Variants in GRXCR2 observed in about 807,000 individuals in gnomAD.
GRXCR2 encodes glutaredoxin and cysteine rich domain containing 2, also known as glutaredoxin domain-containing cysteine-rich protein 2.
Under a neutral mutation model 24.8 loss-of-function variants are expected in GRXCR2, and 23 were observed. The observed-to-expected ratio is 0.93, with a 90% CI of 0.67 to 1.32. The LOEUF (loss-of-function observed/expected upper bound fraction) is 1.32, where lower values mean the gene tolerates loss of function less well. GRXCR2 is among the 40% of genes most tolerant of loss of function. The pLI is 0.00. For missense variants in GRXCR2, 315 were observed against 303.4 expected, an observed-to-expected ratio of 1.04 and a Z score of -0.28; for synonymous variants, 130 against 116.1, an observed-to-expected ratio of 1.12 and a Z score of -0.77.
chr5:145,878,248 C>T (rs543994961), intron 2 of GRXCR2, among the ~76,000 whole-genome samples: 5 of 152,152 alleles, frequency 3.3e-5, no homozygotes, highest in African/African-American at 4.8e-5. Flanking sequence ...CAAACTTCTC[C>T]GAGCTAAAGG....
intron 2 of GRXCR2, among the ~76,000 whole-genome samples, chr5:145,893,010 C>G (rs1373392507): frequency 1.4e-4 from 22 of 152,190 alleles, no homozygotes; most frequent in Non-Finnish European, 2.1e-4. Flanking sequence ...TTTCAACCCA[C>G]AATTTCATAT....
intron 2 of GRXCR2, among the ~76,000 whole-genome samples, chr5:145,898,954 A>C (rs1186668655): frequency 6.6e-6 from 1 of 152,170 alleles, no homozygotes; most frequent in Non-Finnish European, 1.5e-5. Context: ...CGAAATAGGA[A>C]GACAGAAAGT....
chr5:145,920,322 AT>A, intron 2 of GRXCR2, among the ~76,000 whole-genome samples: 1 of 152,324 alleles, frequency 6.6e-6, no homozygotes, highest in East Asian at 1.9e-4. Flanking sequence ...CCCTGCCCAG[AT>A]TGAACTAGAA....
chr5:145,870,583 A>C (rs422185), intron 1 of GRXCR2, among the ~76,000 whole-genome samples: 3,172 of 152,256 alleles, frequency 0.021, 112 homozygotes, highest in African/African-American at 0.073. Flanking sequence ...CCTTGCTTTG[A>C]ATTATTGCAC....
intron 2 of GRXCR2, among the ~76,000 whole-genome samples, chr5:145,864,623 T>G (rs1039876913): frequency 6.6e-6 from 1 of 152,122 alleles, no homozygotes; most frequent in Non-Finnish European, 1.5e-5. Context: ...TCTCAAGCTC[T>G]CTCTCTCTCT....
intron 2 of GRXCR2, among the ~76,000 whole-genome samples, chr5:145,921,376 C>T (rs536668593): frequency 2.6e-5 from 4 of 152,184 alleles, no homozygotes; most frequent in Non-Finnish European, 5.9e-5. Context: ...GAAAATCCAC[C>T]TCTACAGCAA....
At chr5:145,930,333 C>T (rs1757462360) in intron 2 of GRXCR2, among the ~76,000 whole-genome samples, 1 of 152,186 alleles carries the variant, frequency 6.6e-6, no homozygotes, top group Admixed American at 6.5e-5. Context: ...GATTCGCCCA[C>T]CTCGGCCTCC....
At chr5:145,889,201 A>AAAGAAAGAAAGAAAGAAAGG (rs1756824860) in intron 2 of GRXCR2, among the ~76,000 whole-genome samples, 1 of 149,224 alleles carries the variant, frequency 6.7e-6, no homozygotes, top group African/African-American at 2.5e-5. Flanking sequence ...AGAAAGAAAG[A>AAAGAAAGAAAGAAAGAAAGG]AAGAAAGAAA....
chr5:145,881,054 C>A (rs1581338563), intron 2 of GRXCR2, among the ~76,000 whole-genome samples: 1 of 152,164 alleles, frequency 6.6e-6, no homozygotes, highest in African/African-American at 2.4e-5. Context: ...CTATTTATGA[C>A]AAACCCACAG....
intron 2 of GRXCR2, among the ~76,000 whole-genome samples, chr5:145,861,480 C>T (rs1466896726): frequency 6.6e-6 from 1 of 152,058 alleles, no homozygotes; most frequent in African/African-American, 2.4e-5. Flanking sequence ...GCAGCTCTTC[C>T]TCCAAGAAGG....
At chr5:145,899,159 T>C (rs1756991361) in intron 2 of GRXCR2, among the ~76,000 whole-genome samples, 1 of 151,932 alleles carries the variant, frequency 6.6e-6, no homozygotes, top group Admixed American at 6.6e-5. Context: ...CCATTTACAA[T>C]AGCCACACAA....
At chr5:145,876,191 GTATATATATATA>G (rs748811333), upstream of GRXCR2, among the ~76,000 whole-genome samples, 2 of 105,314 alleles carry the variant, frequency 1.9e-5, no homozygotes, top group South Asian at 7.0e-4. Context: ...GTGTGTGTGT[GTATATATATATA>G]TATATATATA....
intron 2 of GRXCR2, among the ~76,000 whole-genome samples, chr5:145,888,206 A>C (rs965750175): frequency 3.9e-5 from 6 of 152,196 alleles, no homozygotes; most frequent in African/African-American, 1.4e-4. Context: ...TGCATCACGG[A>C]ATGCACTAGG....
In GRXCR2 at chr5:145,929,199, C is replaced by CTATATATATATATATATATA. The variant is rs72283862; in HGVS notation, c.-70+6482_-70+6501dup. 5.9e-4 allele frequency among the ~76,000 whole-genome samples: 69 copies of CTATATATATATATATATATA among 116,456 alleles called. 2 individuals carry two copies. The highest frequency in any genetic ancestry group is 1.9e-3 in the African/African-American group (61 of 31,648). The allele number at this position is 116,456 out of a possible 152,430, so 76.4% of individuals were successfully genotyped here. A position where few individuals can be genotyped will look rare whatever the true frequency, so the allele number is the denominator to read the frequency against. ...TTTAATAGTTGTATAATATTCCCCC[C>CTATATATATATATATATATA]TATATATATATATATATATATATAT... On this transcript the variant is annotated intron_variant, in intron 2 of 3. Transcript: ENST00000639411.
At chr5:145,865,326 C>T (rs996863408) in intron 2 of GRXCR2, among the ~76,000 whole-genome samples, 1 of 152,126 alleles carries the variant, frequency 6.6e-6, no homozygotes, top group African/African-American at 2.4e-5. Flanking sequence ...CTTCCTCCAC[C>T]CCCAACCTCA....
intron 2 of GRXCR2, among the ~76,000 whole-genome samples, chr5:145,914,752 T>C (rs146545842): frequency 1.4e-5 from 2 of 141,950 alleles, no homozygotes; most frequent in Non-Finnish European, 3.0e-5. Context: ...GGGCAGTACC[T>C]CCACTGCCTT....
At chr5:145,899,837 A>T (rs914830735) in intron 2 of GRXCR2, among the ~76,000 whole-genome samples, 2 of 152,132 alleles carry the variant, frequency 1.3e-5, no homozygotes, top group Non-Finnish European at 2.9e-5. Flanking sequence ...CATTCTGGAC[A>T]TGGGCCTTGG....
intron 2 of GRXCR2, among the ~76,000 whole-genome samples, chr5:145,889,243 A>AGAAAGAAAGAAG (rs1408862997): frequency 6.8e-6 from 1 of 147,584 alleles, no homozygotes; most frequent in Non-Finnish European, 1.5e-5. Context: ...AAAGAAAGAA[A>AGAAAGAAAGAAG]GAATTATGCA....
chr5:145,900,389 G>A (rs1345238358), intron 2 of GRXCR2, among the ~76,000 whole-genome samples: 2 of 152,128 alleles, frequency 1.3e-5, no homozygotes, highest in African/African-American at 4.8e-5. Context: ...TGTACAGCCT[G>A]AGGAACTGTG....
Sources: gnomAD v4.1 joint callset for allele counts (sites outside exome capture counted in the v4.1 genomes callset) on GRCh38, gnomAD v4.1.1 for gene constraint, MANE v1.5 for transcripts, NCBI Gene and HGNC (gene_info 2026-07-23, HGNC 2026-07-21) for gene names.